The following PICALM variants were observed in gnomAD, a reference collection of about 807,000 sequenced individuals.
PICALM encodes the protein phosphatidylinositol-binding clathrin assembly protein.
Under a neutral mutation model 80.5 loss-of-function variants are expected in PICALM, and 40 were observed. The observed-to-expected ratio is 0.50, with a 90% CI of 0.39 to 0.65. The LOEUF is 0.65. Ranked by LOEUF, PICALM falls within the 30% of genes least tolerant of loss-of-function variation. The pLI is 0.00. For missense variants in PICALM, 676 were observed against 778.9 expected, an observed-to-expected ratio of 0.87 and a Z score of 1.57; for synonymous variants, 288 against 260.3, an observed-to-expected ratio of 1.11 and a Z score of -1.02.
intron 1 of PICALM, among the ~76,000 whole-genome samples, chr11:86,050,225 A>C (rs1320451702): frequency 2.7e-5 from 4 of 147,958 alleles, no homozygotes; most frequent in Non-Finnish European, 4.5e-5. Context: ...AAAAAAAAAA[A>C]CTATATCAGT....
chr11:86,042,452 A>G (rs2095990245), intron 1 of PICALM, among the ~76,000 whole-genome samples: 1 of 152,140 alleles, frequency 6.6e-6, no homozygotes, highest in Non-Finnish European at 1.5e-5. Context: ...GTGCTCCAAC[A>G]TGAAAAAATA....
chr11:86,015,508 C>T (rs1191200234), intron 4 of PICALM, among the ~76,000 whole-genome samples: 3 of 152,074 alleles, frequency 2.0e-5, no homozygotes, highest in African/African-American at 7.2e-5. Flanking sequence ...AACAATTTTA[C>T]CAAATCATTC....
chr11:85,973,246 A>G (rs1056600014), intron 19 of PICALM, among the ~76,000 whole-genome samples: 1 of 152,218 alleles, frequency 6.6e-6, no homozygotes, highest in Non-Finnish European at 1.5e-5. Flanking sequence ...CCAAACAGAG[A>G]TATCAATTTA....
chr11:86,035,263 T>C (rs867277511), intron 1 of PICALM, among the ~76,000 whole-genome samples: 1 of 152,144 alleles, frequency 6.6e-6, no homozygotes, highest in Non-Finnish European at 1.5e-5. Flanking sequence ...TCAGCCTATA[T>C]AGATTTCCCC....
intron 1 of PICALM, among the ~76,000 whole-genome samples, chr11:86,036,262 A>G (rs2095842068): frequency 1.3e-5 from 2 of 152,216 alleles, no homozygotes; most frequent in Admixed American, 6.5e-5. Flanking sequence ...GTAAGTGTCA[A>G]TGTCCAGGAA....
chr11:86,046,571 C>G (rs659863), intron 1 of PICALM, among the ~76,000 whole-genome samples: 106,524 of 151,696 alleles, frequency 0.7, 37,679 homozygotes, highest in African/African-American at 0.81. Context: ...TTCCAATACA[C>G]TGTCATGAAA....
chr11:85,963,263 A>G (rs2093751282), intron 19 of PICALM, among the ~76,000 whole-genome samples: 1 of 152,224 alleles, frequency 6.6e-6, no homozygotes, highest in African/African-American at 2.4e-5. Flanking sequence ...TTTACAAGAG[A>G]GCATATGTAA....
intron 8 of PICALM, among the ~76,000 whole-genome samples, chr11:86,006,206 T>C (rs2095273400): frequency 6.6e-6 from 1 of 152,238 alleles, no homozygotes; most frequent in African/African-American, 2.4e-5. Flanking sequence ...AAAGCCAATT[T>C]ATTTCAAGTG....
At chr11:85,963,691 C>T (rs529064692) in intron 19 of PICALM, among the ~76,000 whole-genome samples, 13 of 152,232 alleles carry the variant, frequency 8.5e-5, no homozygotes, top group Admixed American at 2.0e-4. Context: ...AGAAAAAATA[C>T]GGTAAAATGT....
chr11:86,047,674 T>C (rs1269605819), intron 1 of PICALM, among the ~76,000 whole-genome samples: 1 of 152,198 alleles, frequency 6.6e-6, no homozygotes, highest in Admixed American at 6.5e-5. Context: ...GCCTCAACAG[T>C]TATAACACAT....
At chr11:86,051,226 A>C (rs1252142741) in intron 1 of PICALM, among the ~76,000 whole-genome samples, 2 of 152,258 alleles carry the variant, frequency 1.3e-5, no homozygotes, top group Non-Finnish European at 2.9e-5. Context: ...AAAGGAGCAC[A>C]ATTATAGCAT....
intron 9 of PICALM, 51 bp from the exon 10 acceptor site, chr11:86,001,209 TACACCCAGGTCATGAA>T: frequency 6.3e-7 from 1 of 1,578,410 alleles, no homozygotes; most frequent in Non-Finnish European, 8.6e-7. Flanking sequence ...CACTTCACAT[TACACCCAGGTCATGAA>T]ATGGTCTGGC....
intron 1 of PICALM, among the ~76,000 whole-genome samples, chr11:86,051,272 T>C (rs2096181568): frequency 6.6e-6 from 1 of 152,126 alleles, no homozygotes; most frequent in Non-Finnish European, 1.5e-5. Context: ...ATTTAGAAAA[T>C]AAACTATTTT....
intron 8 of PICALM, 138 bp downstream of exon 8, chr11:86,007,404 G>A: frequency 1.8e-6 from 1 of 567,854 alleles, no homozygotes; most frequent in Non-Finnish European, 3.3e-6. Flanking sequence ...ACAATCTTCA[G>A]GAATACATCA....
intron 4 of PICALM, among the ~76,000 whole-genome samples, chr11:86,022,109 T>A (rs1227698239): frequency 6.6e-6 from 1 of 152,162 alleles, no homozygotes; most frequent in Non-Finnish European, 1.5e-5. Flanking sequence ...GACAACTTTG[T>A]AAATACACTA....
intron 1 of PICALM, among the ~76,000 whole-genome samples, chr11:86,065,265 G>A (rs1258362577): frequency 6.6e-6 from 1 of 152,082 alleles, no homozygotes; most frequent in East Asian, 1.9e-4. Context: ...GGCCAACATG[G>A]TGAAACCCCA....
At chr11:86,064,105 C>T (rs953305381) in intron 1 of PICALM, among the ~76,000 whole-genome samples, 12 of 152,194 alleles carry the variant, frequency 7.9e-5, no homozygotes, top group African/African-American at 2.4e-4. Context: ...GTATGTTATA[C>T]GCATTTTTAA....
chr11:86,067,477 T>C (rs949775978), intron 1 of PICALM, among the ~76,000 whole-genome samples: 1 of 152,198 alleles, frequency 6.6e-6, no homozygotes, highest in Non-Finnish European at 1.5e-5. Context: ...AGGAGGGTAT[T>C]ACAGGTGACT....
intron 1 of PICALM, among the ~76,000 whole-genome samples, chr11:86,047,753 A>T (rs893143354): frequency 1.4e-4 from 21 of 152,326 alleles, no homozygotes; most frequent in African/African-American, 5.1e-4. Flanking sequence ...TCAATTCTAG[A>T]TTAAGTCTAT....
Sources: gnomAD v4.1 joint callset for allele counts (sites outside exome capture counted in the v4.1 genomes callset) on GRCh38, gnomAD v4.1.1 for gene constraint, MANE v1.5 for transcripts, NCBI Gene and HGNC (gene_info 2026-07-23, HGNC 2026-07-21) for gene names.